Variants in TANC2 observed in about 807,000 individuals in gnomAD.
The protein encoded by TANC2 is tetratricopeptide repeat, ankyrin repeat and coiled-coil containing 2.
TANC2 carries 26 observed loss-of-function variants against 210.5 expected under a neutral mutation model. That is an observed-to-expected ratio of 0.12 (90% CI 0.09 to 0.17). The LOEUF is 0.17. Among genes scored for constraint, TANC2 ranks in the 10% least tolerant of loss-of-function variants. TANC2 has a pLI of 1.00. For missense variants in TANC2, 2,129 were observed against 2,608.9 expected (o/e 0.82, Z 4.01); for synonymous variants, 931 against 967.1 (o/e 0.96, Z 0.69).
At chr17:63,314,076 T>C (rs1160171530) in intron 9 of TANC2, among the ~76,000 whole-genome samples, 1 of 152,110 alleles carries the variant, frequency 6.6e-6, no homozygotes, top group African/African-American at 2.4e-5. Flanking sequence ...GCATCCGTAG[T>C]GATTGCTGGT....
chr17:63,295,689 A>G (rs375808526), intron 9 of TANC2, among the ~76,000 whole-genome samples: 11 of 152,370 alleles, frequency 7.2e-5, no homozygotes, highest in African/African-American at 2.4e-4. Context: ...CTCATGCCAC[A>G]TTCAGATGTA....
intron 4 of TANC2, among the ~76,000 whole-genome samples, chr17:63,140,168 G>C (rs1287460280): frequency 1.3e-5 from 2 of 152,104 alleles, no homozygotes; most frequent in African/African-American, 4.8e-5. Flanking sequence ...AAATGATTCT[G>C]AAGCTCAACT....
chr17:62,982,382 C>T (rs1309767307), intron 1 of TANC2, among the ~76,000 whole-genome samples: 1 of 152,170 alleles, frequency 6.6e-6, no homozygotes, highest in African/African-American at 2.4e-5. Flanking sequence ...TAGTTCTCCC[C>T]ACCTTACCAA....
rs1213072076 is a variant in TANC2 at position 63,050,447 on chromosome 17, T to G, written c.68-23496T>G. Among the ~76,000 whole-genome samples, 8 of 151,468 alleles carry G rather than the reference T, an allele frequency of 5.3e-5. No individual in the cohort carries two copies. The South Asian group carries it at 8.4e-4, about 16-fold the overall frequency. Reference sequence around the variant, plus strand: ...TCATGGATGAGGTCCAGGTTAGAGATATAAATTTGGGAACCATCAGCATGA... The same window carrying G: ...TCATGGATGAGGTCCAGGTTAGAGAGATAAATTTGGGAACCATCAGCATGA... On this transcript the variant is annotated intron_variant, in intron 2 of 27. Coordinates refer to ENST00000689528, the Ensembl canonical transcript of TANC2.
intron 1 of TANC2, among the ~76,000 whole-genome samples, chr17:62,979,367 A>G (rs1193058106): frequency 3.3e-5 from 5 of 152,216 alleles, no homozygotes; most frequent in East Asian, 3.9e-4. Context: ...TTGCAATAGC[A>G]TGTTAACAGT....
intron 15 of TANC2, among the ~76,000 whole-genome samples, chr17:63,384,123 A>G (rs1262903037): frequency 6.6e-6 from 1 of 152,008 alleles, no homozygotes; most frequent in African/African-American, 2.4e-5. Flanking sequence ...CGGCTGGAGT[A>G]TAGTGGCACA....
chr17:63,094,155 A>C (rs2037302629), intron 3 of TANC2, among the ~76,000 whole-genome samples: 1 of 152,004 alleles, frequency 6.6e-6, no homozygotes, highest in Non-Finnish European at 1.5e-5. Flanking sequence ...TTTTTCTTAT[A>C]GCTTTTTTGT....
chr17:63,239,160 A>G (rs1390572342), intron 8 of TANC2, among the ~76,000 whole-genome samples: 3 of 152,098 alleles, frequency 2.0e-5, no homozygotes, highest in East Asian at 1.9e-4. Flanking sequence ...AAAAAAAAAA[A>G]AAAAGAAAGA....
intron 9 of TANC2, among the ~76,000 whole-genome samples, chr17:63,310,448 A>T: frequency 6.6e-6 from 1 of 152,146 alleles, no homozygotes; most frequent in East Asian, 1.9e-4. Context: ...ATTCCATCTC[A>T]AAAAAAGAAA....
At chr17:63,151,463 A>G in intron 5 of TANC2, 83 bp downstream of exon 5, 3 of 594,734 alleles carry the variant, frequency 5.0e-6, no homozygotes, top group Non-Finnish European at 6.3e-6. Context: ...TTGCATGTAT[A>G]CTACTCATAA....
chr17:63,359,754 G>C (rs1163168469), intron 14 of TANC2, among the ~76,000 whole-genome samples: 1 of 152,108 alleles, frequency 6.6e-6, no homozygotes, highest in Non-Finnish European at 1.5e-5. Context: ...TGATGTGGGA[G>C]CCTAAGGTTG....
intron 1 of TANC2, among the ~76,000 whole-genome samples, chr17:62,981,935 G>A (rs1373001626): frequency 6.6e-6 from 1 of 151,942 alleles, no homozygotes; most frequent in Non-Finnish European, 1.5e-5. Context: ...TCTCCCTGTG[G>A]AGTCAGGATA....
chr17:63,397,228 T>C (rs965033460), intron 18 of TANC2, among the ~76,000 whole-genome samples: 1 of 152,056 alleles, frequency 6.6e-6, no homozygotes, highest in Non-Finnish European at 1.5e-5. Flanking sequence ...TGAGCTGAGA[T>C]CATGCCATTG....
intron 12 of TANC2, among the ~76,000 whole-genome samples, chr17:63,340,686 C>T (rs977993198): frequency 6.6e-6 from 1 of 152,126 alleles, no homozygotes; most frequent in African/African-American, 2.4e-5. Flanking sequence ...TAGAAATCCC[C>T]CCTGTAATAT....
intron 14 of TANC2, among the ~76,000 whole-genome samples, chr17:63,357,891 T>C (rs373561644): frequency 8.5e-5 from 13 of 152,352 alleles, no homozygotes; most frequent in African/African-American, 3.1e-4. Flanking sequence ...CTTTCTCTCC[T>C]TCTCTCTAAA....
At chr17:63,162,607 G>C (rs1431085448) in intron 5 of TANC2, among the ~76,000 whole-genome samples, 1 of 152,106 alleles carries the variant, frequency 6.6e-6, no homozygotes, top group Non-Finnish European at 1.5e-5. Context: ...CAAAAATGAA[G>C]GGGTTGACTA....
At chr17:63,053,966 T>C (rs1275475294) in intron 2 of TANC2, among the ~76,000 whole-genome samples, 1 of 152,210 alleles carries the variant, frequency 6.6e-6, no homozygotes, top group Non-Finnish European at 1.5e-5. Flanking sequence ...AGCCTCTTAA[T>C]TGGTCTCTCT....
chr17:63,292,173 A>G (rs2044401947), intron 9 of TANC2, among the ~76,000 whole-genome samples: 1 of 152,224 alleles, frequency 6.6e-6, no homozygotes, highest in Non-Finnish European at 1.5e-5. Flanking sequence ...CTTGGGCACC[A>G]TCACCACTTA....
intron 7 of TANC2, among the ~76,000 whole-genome samples, chr17:63,201,887 C>G (rs2041547049): frequency 6.6e-6 from 1 of 152,062 alleles, no homozygotes; most frequent in African/African-American, 2.4e-5. Context: ...TGATTCAACA[C>G]CTCTTGCTAT....
Sources: gnomAD v4.1 joint callset for allele counts (sites outside exome capture counted in the v4.1 genomes callset) on GRCh38, gnomAD v4.1.1 for gene constraint, MANE v1.5 for transcripts, NCBI Gene and HGNC (gene_info 2026-07-23, HGNC 2026-07-21) for gene names.